THAP5: variants seen among roughly 807,000 people sequenced by gnomAD.
THAP5 encodes the protein THAP domain-containing protein 5.
A neutral mutation model predicts 34.0 loss-of-function variants in THAP5; 26 were observed. The ratio of observed to expected loss-of-function variants is 0.77; its 90% confidence interval spans 0.56 to 1.06. The LOEUF (loss-of-function observed/expected upper bound fraction) is 1.06, where lower values mean the gene tolerates loss of function less well. THAP5 is among the 50% of genes least tolerant of loss of function. The probability of loss-of-function intolerance (pLI) is 0.00; values close to 1 mark genes in which losing one functional copy is unlikely to be tolerated. For missense variants in THAP5, 394 were observed against 452.8 expected (o/e 0.87, Z 1.18); for synonymous variants, 125 against 153.0 (o/e 0.82, Z 1.35).
chr7:108,547,817 T>C, the THAP5 span, among the ~76,000 whole-genome samples: 1 of 152,222 alleles, frequency 6.6e-6, no homozygotes, highest in Non-Finnish European at 1.5e-5. Context: ...GGTTTTTAGA[T>C]GATAAAATAC....
the THAP5 span, among the ~76,000 whole-genome samples, chr7:108,543,776 A>G: frequency 6.6e-6 from 1 of 152,124 alleles, no homozygotes; most frequent in African/African-American, 2.4e-5. Flanking sequence ...TCCCAGTGAT[A>G]GTTTTGACCA....
chr7:108,550,210 T>C (rs908884855), downstream of THAP5, among the ~76,000 whole-genome samples: 1 of 152,226 alleles, frequency 6.6e-6, no homozygotes, highest in Non-Finnish European at 1.5e-5. Flanking sequence ...AATCTTTCTT[T>C]TTACTTTTTG....
At chr7:108,559,283 T>G (rs1449464653), downstream of THAP5, among the ~76,000 whole-genome samples, 1 of 152,200 alleles carries the variant, frequency 6.6e-6, no homozygotes. Context: ...AAAGTCTGAA[T>G]AGGAATGTTT....
At chr7:108,552,106 A>T (rs1048504172), downstream of THAP5, among the ~76,000 whole-genome samples, 26 of 152,074 alleles carry the variant, frequency 1.7e-4, no homozygotes, top group African/African-American at 5.3e-4. Context: ...ACTTTCACTT[A>T]ACCTCTGTTT....
the THAP5 span, among the ~76,000 whole-genome samples, chr7:108,544,607 TAAA>T: frequency 5.3e-5 from 8 of 150,602 alleles, no homozygotes; most frequent in African/African-American, 9.8e-5. Context: ...ATATGGGGAG[TAAA>T]AAACGCTTAT....
chr7:108,542,135 G>A, the THAP5 span, among the ~76,000 whole-genome samples: 1 of 152,108 alleles, frequency 6.6e-6, no homozygotes, highest in Non-Finnish European at 1.5e-5. Context: ...CTGTCACTGT[G>A]GAGGGGATAA....
the THAP5 span, among the ~76,000 whole-genome samples, chr7:108,543,555 T>G: frequency 6.6e-6 from 1 of 152,254 alleles, no homozygotes; most frequent in Non-Finnish European, 1.5e-5. Flanking sequence ...AACTAGGGAC[T>G]GATGATAAGC....
At position 108,565,023 on chromosome 7, in the gene THAP5, TC is replaced by T; in HGVS notation, c.355del (p.Glu119AsnfsTer5). On this transcript the variant is annotated frameshift_variant, in exon 3 of 3. Transcript: ENST00000415914. LOFTEE classifies it high-confidence loss of function. ...KEVCPKAKSE[E>X]SFVLNETKKN... ...CTTTGTCTCATTTAATACAAATGAT[TC>T]TTCTGACTTGGCTTTTGGGCATACT... is the stretch of plus-strand genomic sequence containing the variant. 1 of 1,550,428 alleles carries T rather than the reference TC, an allele frequency of 6.4e-7. No individual in the cohort carries two copies. Among genetic ancestry groups the T allele is most frequent in the South Asian group, 1.2e-5 (1 of 83,448 alleles).
intron 1 of THAP5, 60 bp downstream of exon 1, chr7:108,569,430 A>G (rs1790562060): frequency 6.5e-7 from 1 of 1,550,230 alleles, no homozygotes. Context: ...CCCAAGCCCA[A>G]AGGCCACAGG....
At chr7:108,546,706 C>T in the THAP5 span, among the ~76,000 whole-genome samples, 1 of 152,140 alleles carries the variant, frequency 6.6e-6, no homozygotes, top group Non-Finnish European at 1.5e-5. Flanking sequence ...TTTGCTATTG[C>T]TAAGGAATGA....
chr7:108,544,753 G>A, the THAP5 span, among the ~76,000 whole-genome samples: 1 of 151,986 alleles, frequency 6.6e-6, no homozygotes, highest in Non-Finnish European at 1.5e-5. Context: ...TGCCTCTTGG[G>A]CTTAAGCAAT....
downstream of THAP5, among the ~76,000 whole-genome samples, chr7:108,551,621 A>G (rs1008232061): frequency 1.3e-5 from 2 of 152,254 alleles, no homozygotes; most frequent in South Asian, 2.1e-4. Flanking sequence ...TCTGTTGACT[A>G]TCAGTGGACA....
At chr7:108,565,188 T>G in intron 2 of THAP5, 83 bp from the exon 3 acceptor site, 1 of 1,125,460 alleles carries the variant, frequency 8.9e-7, no homozygotes, top group East Asian at 2.6e-5. Flanking sequence ...TAATATTGAG[T>G]AGTACACTGG....
chr7:108,551,343 T>C (rs1472412142), downstream of THAP5, among the ~76,000 whole-genome samples: 1 of 152,176 alleles, frequency 6.6e-6, no homozygotes, highest in Non-Finnish European at 1.5e-5. Flanking sequence ...TGAATGAATG[T>C]CACTATATAA....
chr7:108,553,162 C>T (rs117440904), downstream of THAP5, among the ~76,000 whole-genome samples: 62 of 152,196 alleles, frequency 4.1e-4, 1 homozygote, highest in Middle Eastern at 3.4e-3. Flanking sequence ...TTTCCTAGGT[C>T]TACTAAATTA....
At position 108,564,350 on chromosome 7, in the gene THAP5, T is replaced by C. The variant is rs202095088; in HGVS notation, c.1029A>G (p.Ser343=). 1.2e-6 allele frequency: 2 copies of C among 1,613,866 alleles called. No individual in the cohort carries two copies. Among genetic ancestry groups the C allele is most frequent in the Non-Finnish European group, 1.7e-6 (2 of 1,179,878 alleles). Residue 343 remains serine (S), a synonymous_variant, in exon 3 of 3, where the codon TCA becomes TCG. Coordinates refer to ENST00000415914, the MANE Select transcript of THAP5 (RefSeq NM_001130475.3). ...CTTTTAACTCTAGAAGAGTTATCTT[T>C]GAATGTAGCTTAGAGACTTTCTGCC... is the stretch of plus-strand genomic sequence containing the variant. ...HLWQKVSKLH[S]KITLLELKEQ... is the part of the protein sequence containing the mutation.
chr7:108,567,233 T>C (rs1790505438), intron 1 of THAP5, among the ~76,000 whole-genome samples: 1 of 152,194 alleles, frequency 6.6e-6, no homozygotes, highest in Non-Finnish European at 1.5e-5. Context: ...GTTTTAAAAA[T>C]ATTTTAACTT....
At chr7:108,559,511 T>C (rs1186912564), downstream of THAP5, among the ~76,000 whole-genome samples, 1 of 152,212 alleles carries the variant, frequency 6.6e-6, no homozygotes, top group Non-Finnish European at 1.5e-5. Context: ...ACAACTGATG[T>C]GCTAACAGAT....
chr7:108,545,459 A>G, the THAP5 span, among the ~76,000 whole-genome samples: 3 of 152,372 alleles, frequency 2.0e-5, no homozygotes, highest in South Asian at 6.2e-4. Context: ...AAGCGTGACT[A>G]GTTCAAATAT....
Sources: gnomAD v4.1 joint callset for allele counts (sites outside exome capture counted in the v4.1 genomes callset) on GRCh38, gnomAD v4.1.1 for gene constraint, MANE v1.5 for transcripts, NCBI Gene and HGNC (gene_info 2026-07-23, HGNC 2026-07-21) for gene names.